ARHGAP6: variants seen among roughly 807,000 people sequenced by gnomAD.
ARHGAP6 encodes the protein rho GTPase-activating protein 6.
Under a neutral mutation model 55.7 loss-of-function variants are expected in ARHGAP6, and 16 were observed. That is an observed-to-expected ratio of 0.29 (90% confidence interval 0.19 to 0.44). The LOEUF is 0.44. Ranked by LOEUF, ARHGAP6 falls within the 20% of genes least tolerant of loss-of-function variation. The pLI is 1.00. For synonymous variants in ARHGAP6, 382 were observed against 360.9 expected, an observed-to-expected ratio of 1.06 and a Z score of -0.66; for missense variants, 698 against 808.9, an observed-to-expected ratio of 0.86 and a Z score of 1.66.
chrX:11,425,663 G>C (rs947798635), intron 1 of ARHGAP6, among the ~76,000 whole-genome samples: 2 of 112,159 alleles, frequency 1.8e-5, no homozygotes, highest in Admixed American at 1.9e-4. Flanking sequence ...GCCCCAAGAG[G>C]GGACATTAGC....
intron 10 of ARHGAP6, among the ~76,000 whole-genome samples, chrX:11,149,642 A>G (rs962972302): frequency 8.9e-6 from 1 of 112,079 alleles, no homozygotes; most frequent in African/African-American, 3.2e-5. Context: ...AAAAACAGAA[A>G]TTATAATCTG....
intron 1 of ARHGAP6, among the ~76,000 whole-genome samples, chrX:11,321,808 T>C (rs1481909852): frequency 8.9e-6 from 1 of 112,215 alleles, no homozygotes; most frequent in Non-Finnish European, 1.9e-5. Context: ...CGCACTTTCA[T>C]CATTAATATA....
At chrX:11,275,571 C>G (rs1247513475) in intron 1 of ARHGAP6, among the ~76,000 whole-genome samples, 1 of 111,818 alleles carries the variant, frequency 8.9e-6, no homozygotes, top group East Asian at 2.8e-4. Flanking sequence ...CTTCCACACT[C>G]TTGTAGGCTG....
At chrX:11,433,166 G>A (rs1371883959) in intron 1 of ARHGAP6, among the ~76,000 whole-genome samples, 1 of 112,028 alleles carries the variant, frequency 8.9e-6, no homozygotes, top group Non-Finnish European at 1.9e-5. Context: ...GAAGAGAGAG[G>A]AGAACATCCT....
intron 12 of ARHGAP6, 150 bp downstream of exon 12, chrX:11,142,083 G>T: frequency 3.2e-6 from 1 of 311,729 alleles, no homozygotes. Context: ...TGGCATATTT[G>T]GGTGGAAAGC....
chrX:11,364,465 T>C (rs138027215), intron 1 of ARHGAP6, among the ~76,000 whole-genome samples: 1,644 of 110,920 alleles, frequency 0.015, 30 homozygotes, highest in African/African-American at 0.05. Context: ...TACCCAACAG[T>C]GATTTCCCCT....
intron 2 of ARHGAP6, among the ~76,000 whole-genome samples, chrX:11,218,186 G>A: frequency 8.9e-6 from 1 of 111,777 alleles, no homozygotes; most frequent in Non-Finnish European, 1.9e-5. Context: ...GATTATCTTG[G>A]CTATACAGGC....
chrX:11,642,408 C>T (rs897426197), intron 1 of ARHGAP6, among the ~76,000 whole-genome samples: 6 of 111,947 alleles, frequency 5.4e-5, no homozygotes, highest in African/African-American at 1.9e-4. Flanking sequence ...GTTTAAGCCT[C>T]AATGGACTCA....
At chrX:11,552,555 CATATATATATATATAT>C (rs59008705) in intron 1 of ARHGAP6, among the ~76,000 whole-genome samples, 341 of 12,545 alleles carry the variant, frequency 0.027, 16 homozygotes, top group Non-Finnish European at 0.038. Flanking sequence ...GAAAATGTGC[CATATATATATATATAT>C]ATATATATAT....
intron 1 of ARHGAP6, among the ~76,000 whole-genome samples, chrX:11,568,342 A>C (rs1411540075): frequency 8.9e-6 from 1 of 112,821 alleles, no homozygotes. Context: ...CAGCAGAATA[A>C]AAGAAATCAC....
chrX:11,619,604 G>C (rs909052326), intron 1 of ARHGAP6, among the ~76,000 whole-genome samples: 5 of 111,713 alleles, frequency 4.5e-5, no homozygotes, highest in African/African-American at 1.6e-4. Context: ...TGTTGACATG[G>C]ATTACTGCCC....
chrX:11,554,793 G>A (rs142409811), intron 1 of ARHGAP6, among the ~76,000 whole-genome samples: 306 of 111,946 alleles, frequency 2.7e-3, no homozygotes, highest in African/African-American at 9.8e-3. Flanking sequence ...AAATACTCTT[G>A]TATAATCTCT....
intron 1 of ARHGAP6, among the ~76,000 whole-genome samples, chrX:11,461,867 C>A (rs2050248922): frequency 9.0e-6 from 1 of 111,594 alleles, no homozygotes; most frequent in African/African-American, 3.3e-5. Context: ...GGGCCTCTCT[C>A]AAGAAGAAGC....
intron 1 of ARHGAP6, among the ~76,000 whole-genome samples, chrX:11,353,548 T>G (rs957542929): frequency 1.2e-5 from 1 of 80,035 alleles, no homozygotes; most frequent in Non-Finnish European, 2.4e-5. Context: ...GTATTGCTTA[T>G]AGTGTGTGTG....
chrX:11,476,048 A>G (rs936705864), intron 1 of ARHGAP6, among the ~76,000 whole-genome samples: 2 of 111,321 alleles, frequency 1.8e-5, no homozygotes, highest in African/African-American at 6.5e-5. Context: ...CAAGGCAATC[A>G]AAAGATATAA....
chrX:11,384,160 T>G (rs2049297111), intron 1 of ARHGAP6, among the ~76,000 whole-genome samples: 2 of 112,004 alleles, frequency 1.8e-5, no homozygotes, highest in Admixed American at 1.9e-4. Context: ...CTACCTACTA[T>G]GAATGCTCTT....
chrX:11,521,751 T>C (rs1177776548), intron 1 of ARHGAP6, among the ~76,000 whole-genome samples: 1 of 110,706 alleles, frequency 9.0e-6, no homozygotes, highest in Non-Finnish European at 1.9e-5. Context: ...CCTTGGGCAG[T>C]ATGGCCATTT....
At chrX:11,513,011 C>T (rs2147868575) in intron 1 of ARHGAP6, among the ~76,000 whole-genome samples, 1 of 111,920 alleles carries the variant, frequency 8.9e-6, no homozygotes, top group African/African-American at 3.2e-5. Context: ...TATCATTTCC[C>T]TTATTTATGT....
At chrX:11,506,867 G>T (rs1416455501) in intron 1 of ARHGAP6, among the ~76,000 whole-genome samples, 2 of 111,767 alleles carry the variant, frequency 1.8e-5, no homozygotes, top group Non-Finnish European at 3.8e-5. Flanking sequence ...CAGTGTGAAA[G>T]TGTCCCTATT....
Sources: gnomAD v4.1 joint callset for allele counts (sites outside exome capture counted in the v4.1 genomes callset) on GRCh38, gnomAD v4.1.1 for gene constraint, MANE v1.5 for transcripts, NCBI Gene and HGNC (gene_info 2026-07-23, HGNC 2026-07-21) for gene names.